Variants in CTH observed in about 807,000 individuals in gnomAD.
The protein encoded by CTH is cystathionase (cystathionine gamma-lyase).
CTH carries 41 observed loss-of-function variants against 50.6 expected under a neutral mutation model. The observed-to-expected ratio is 0.81, with a 90% confidence interval of 0.63 to 1.05. The LOEUF is 1.05. Among genes scored for constraint, CTH ranks in the 50% least tolerant of loss-of-function variants. The probability of loss-of-function intolerance (pLI) is 0.00; values close to 1 mark genes in which losing one functional copy is unlikely to be tolerated. For synonymous variants in CTH, 156 were observed against 168.9 expected, an observed-to-expected ratio of 0.92 and a Z score of 0.59; for missense variants, 470 against 492.6, an observed-to-expected ratio of 0.95 and a Z score of 0.43.
Position 70,438,678 on chromosome 1 carries a change from C to T in CTH, c.1053-10C>T, listed in dbSNP as rs746748634. 2.5e-6 allele frequency: 4 copies of T among 1,613,982 alleles called. No homozygotes were observed. The highest frequency in any genetic ancestry group is 2.5e-6 in the Non-Finnish European group (3 of 1,179,964). ...ATAGTGATCAAAAATTTGCTCATGT[C>T]TTCTTTCAGGGCAATCATGACTCAT... On this transcript the variant is annotated splice_polypyrimidine_tract_variant and intron_variant, in intron 10 of 11. Coordinates refer to ENST00000370938, the MANE Select transcript of CTH (RefSeq NM_001902.6).
intron 4 of CTH, among the ~76,000 whole-genome samples, chr1:70,423,309 T>C (rs1274661352): frequency 6.6e-6 from 1 of 151,858 alleles, no homozygotes; most frequent in East Asian, 1.9e-4. Flanking sequence ...CAGTGGCTCA[T>C]GCCTGTAATA....
intron 5 of CTH, among the ~76,000 whole-genome samples, chr1:70,428,597 CATAT>C (rs959455725): frequency 1.3e-4 from 6 of 46,114 alleles, no homozygotes; most frequent in African/African-American, 5.5e-4. Context: ...CAGTTTCAGA[CATAT>C]TTATTTATTT....
chr1:70,421,516 T>C (rs1321698232), intron 3 of CTH, 50 bp from the exon 4 acceptor site: 1 of 1,575,422 alleles, frequency 6.3e-7, no homozygotes, highest in African/African-American at 1.4e-5. Context: ...GGAATGAATG[T>C]TTCTTAATGC....
chr1:70,418,138 TA>T (rs1684133673), intron 3 of CTH, 106 bp downstream of exon 3: 4 of 1,379,552 alleles, frequency 2.9e-6, no homozygotes, highest in Non-Finnish European at 3.0e-6. Flanking sequence ...GATTATTTAT[TA>T]TAGTTTACAG....
intron 4 of CTH, among the ~76,000 whole-genome samples, chr1:70,423,096 T>C (rs1038886539): frequency 1.4e-4 from 21 of 152,178 alleles, no homozygotes; most frequent in African/African-American, 5.1e-4. Context: ...TGGTAATTTT[T>C]ATTTTTTTTA....
intron 3 of CTH, among the ~76,000 whole-genome samples, chr1:70,418,588 A>AT (rs762799086): frequency 2.0e-5 from 3 of 152,210 alleles, no homozygotes; most frequent in Non-Finnish European, 4.4e-5. Flanking sequence ...AGGTGCTAGA[A>AT]TGAATACGTA....
chr1:70,433,929 A>G lies in CTH; in HGVS notation c.979A>G (p.Ile327Val), dbSNP rs1684538953. 1 of 1,613,918 alleles carries G rather than the reference A, an allele frequency of 6.2e-7. No homozygotes were observed. Among genetic ancestry groups the G allele is most frequent in the African/African-American group, 1.3e-5 (1 of 74,898 alleles). The change falls in exon 9 of 12, where the codon ATT (isoleucine) becomes GTT (valine). Residue 327 changes from isoleucine to valine, a missense_variant. Physicochemically the swap from Ile to Val is conservative, Grantham distance 29. Transcript: ENST00000370938. ...YIKGTLQHAE[I>V]FLKNLKLFTL... The stretch of plus-strand genomic sequence containing the variant: ...TAAGGGCACTCTTCAGCATGCTGAG[A>G]TTTTCCTCAAGAACCTAAAGGTAAA...
chr1:70,430,339 C>A lies in CTH; in HGVS notation c.669C>A (p.Gly223=). ...TAGGCCACAGTGATGTTGTAATGGG[C>A]CTGGTGTCTGTTAATTGTGAAAGCC... ...YMNGHSDVVM[G]LVSVNCESLH... The change falls in exon 7 of 12, where the codon GGC becomes GGA. Residue 223 remains glycine, a synonymous_variant. Coordinates refer to ENST00000370938, the MANE Select transcript of CTH (RefSeq NM_001902.6). 1 of 1,600,290 alleles carries A rather than the reference C, an allele frequency of 6.2e-7. No homozygotes were observed. Among genetic ancestry groups the A allele is most frequent in the Non-Finnish European group, 8.6e-7 (1 of 1,167,760 alleles).
At chr1:70,411,732 CA>C in intron 1 of CTH, 149 bp downstream of exon 1, 2 of 1,410,682 alleles carry the variant, frequency 1.4e-6, no homozygotes, top group Non-Finnish European at 9.3e-7. Flanking sequence ...TCTTGCAGCA[CA>C]GCTTTGTATC....
At chr1:70,412,433 C>T (rs1683987777) in intron 1 of CTH, among the ~76,000 whole-genome samples, 1 of 152,134 alleles carries the variant, frequency 6.6e-6, no homozygotes, top group African/African-American at 2.4e-5. Flanking sequence ...TGGTGAAACC[C>T]CATCTCTACT....
chr1:70,424,343 G>A lies in CTH; in HGVS notation c.515G>A (p.Cys172Tyr). The part of the protein sequence containing the change: ...PTQKVIDIEG[C>Y]AHIVHKHGDI... ...CAGAAGGTGATTGACATTGAAGGCT[G>A]TGCACATATTGTCCATAAGCATGGA... The change falls in exon 5 of 12, where the codon TGT (cysteine) becomes TAT (tyrosine). Residue 172 changes from cysteine (C) to tyrosine (Y), a missense_variant. Cys to Tyr is a radical substitution (Grantham distance 194). Transcript: ENST00000370938. 2 of 1,614,108 alleles carry A rather than the reference G, an allele frequency of 1.2e-6. No individual in the cohort carries two copies. Among genetic ancestry groups the A allele is most frequent in the Non-Finnish European group, 1.7e-6 (2 of 1,180,008 alleles).
intron 2 of CTH, among the ~76,000 whole-genome samples, chr1:70,417,698 C>T (rs1684124028): frequency 1.3e-5 from 2 of 152,112 alleles, no homozygotes; most frequent in Admixed American, 1.3e-4. Flanking sequence ...AATATTATTA[C>T]CAAGGCAAAA....
At chr1:70,423,583 A>AG (rs951756091) in intron 4 of CTH, among the ~76,000 whole-genome samples, 5 of 151,280 alleles carry the variant, frequency 3.3e-5, no homozygotes, top group Non-Finnish European at 7.4e-5. Context: ...AAAAAAAAAA[A>AG]AGAAAGTAAT....
intron 1 of CTH, among the ~76,000 whole-genome samples, chr1:70,412,036 A>G (rs549734669): frequency 1.3e-5 from 2 of 152,360 alleles, no homozygotes; most frequent in East Asian, 3.9e-4. Context: ...GTGCTCGTAT[A>G]TATCATGTGT....
intron 2 of CTH, among the ~76,000 whole-genome samples, chr1:70,417,283 C>T (rs1420497711): frequency 6.6e-6 from 1 of 151,216 alleles, no homozygotes; most frequent in Non-Finnish European, 1.5e-5. Context: ...TGAAATTTCT[C>T]TTTTCTTTCT....
intron 5 of CTH, among the ~76,000 whole-genome samples, chr1:70,425,174 C>T (rs541132961): frequency 6.6e-6 from 1 of 152,232 alleles, no homozygotes; most frequent in East Asian, 1.9e-4. Context: ...TTTATTCCTT[C>T]AGCACTCCAT....
At chr1:70,427,792 A>T (rs1458132874) in intron 5 of CTH, among the ~76,000 whole-genome samples, 1 of 152,076 alleles carries the variant, frequency 6.6e-6, no homozygotes, top group Non-Finnish European at 1.5e-5. Flanking sequence ...AGCTCACTGC[A>T]ACCACCGCCT....
intron 6 of CTH, 105 bp downstream of exon 6, chr1:70,429,956 G>T: frequency 1.2e-6 from 1 of 813,996 alleles, no homozygotes; most frequent in South Asian, 1.5e-5. Context: ...TATTTCCTGT[G>T]ACTCATAGAG....
At chr1:70,437,187 A>G (rs1572274253) in intron 10 of CTH, among the ~76,000 whole-genome samples, 1 of 152,200 alleles carries the variant, frequency 6.6e-6, no homozygotes, top group Non-Finnish European at 1.5e-5. Flanking sequence ...AACACTCTAC[A>G]TAGCTCTTAG....
Sources: allele counts gnomAD v4.1 joint callset (sites outside exome capture counted in the v4.1 genomes callset), GRCh38; gene constraint gnomAD v4.1.1; transcripts MANE v1.5; gene names NCBI Gene and HGNC (gene_info 2026-07-23, HGNC 2026-07-21).